Variants in PRDM16 observed in about 807,000 individuals in gnomAD.
The protein encoded by PRDM16 is histone-lysine N-methyltransferase PRDM16.
PRDM16 carries 23 observed loss-of-function variants against 110.6 expected under a neutral mutation model. The observed-to-expected ratio is 0.21, with a 90% CI of 0.15 to 0.29. PRDM16 has a LOEUF of 0.29. PRDM16 is among the 10% of genes least tolerant of loss of function. PRDM16 has a pLI of 1.00. For synonymous variants in PRDM16, 799 were observed against 781.8 expected (o/e 1.02, Z -0.37); for missense variants, 1,615 against 1,794.3 (o/e 0.90, Z 1.81).
In PRDM16 at chr1:3,437,840, C is replaced by T. The variant is rs1638949738; in HGVS notation, c.*4029C>T. The T allele has an allele frequency of 9.2e-6, 2 of 217,264 alleles. No individual in the cohort carries two copies. Among genetic ancestry groups the T allele is most frequent in the South Asian group, 1.9e-4 (1 of 5,390 alleles). 13.5% of individuals were successfully genotyped at this position (217,264 alleles called of 1,614,324 possible). On this transcript the variant is annotated 3_prime_UTR_variant, in exon 17 of 17. Transcript: ENST00000270722. Reference sequence around the variant, plus strand: ...CAAAAGTCATTCTAACAATTGCCTTCAGCGTCACGTGCATTGCCACTGCGC... The same window carrying T: ...CAAAAGTCATTCTAACAATTGCCTTTAGCGTCACGTGCATTGCCACTGCGC...
At position 3,353,174 on chromosome 1, in the gene PRDM16, C is replaced by T. The variant is rs1642528508; in HGVS notation, c.439-31978C>T. ...TCCCTCACAGCAGGATTTGCTGCTT[C>T]CTCCTGACCAATGCCCTCCTGTAGT... is the stretch of plus-strand genomic sequence containing the variant. On this transcript the variant is annotated intron_variant, in intron 3 of 16. Transcript: ENST00000270722. This position sits in a 1 kb window ranked among gnomAD's most constrained non-coding sequence, Gnocchi z 5.4. 6.6e-6 allele frequency among the ~76,000 whole-genome samples: 1 copy of T among 152,246 alleles called. No homozygotes were observed. The highest frequency in any genetic ancestry group is 2.1e-4 in the South Asian group (1 of 4,834).
At chr1:3,146,544 T>G (rs1051068289) in intron 1 of PRDM16, among the ~76,000 whole-genome samples, 1 of 141,726 alleles carries the variant, frequency 7.1e-6, no homozygotes, top group African/African-American at 2.7e-5. Flanking sequence ...TGCACGTGTG[T>G]TCGGTGTGGG....
chr1:3,134,834 C>G (rs572097057), intron 1 of PRDM16, among the ~76,000 whole-genome samples: 1 of 152,368 alleles, frequency 6.6e-6, no homozygotes, highest in East Asian at 1.9e-4. Flanking sequence ...TTTTGTTTGG[C>G]AGAGGGGCCT....
chr1:3,098,592 C>G lies in PRDM16; in HGVS notation c.37+29296C>G, dbSNP rs536431877. Among the ~76,000 whole-genome samples the G allele has an allele frequency of 3.3e-5, 5 of 152,310 alleles. No homozygotes were observed. In the South Asian group the frequency reaches 1.0e-3, roughly 32 times the overall value. ...TGGGCTTCGAGACCCCAGGCAAAGC[C>G]ACAGAAAGGAAGTGCCCCAGGGAGC... On this transcript the variant is annotated intron_variant, in intron 1 of 16. Transcript: ENST00000270722.
chr1:3,114,605 C>G (rs1464311274), intron 1 of PRDM16, among the ~76,000 whole-genome samples: 1 of 151,600 alleles, frequency 6.6e-6, no homozygotes, highest in East Asian at 1.9e-4. Flanking sequence ...TGCACATGCA[C>G]ACACGTGCAT....
chr1:3,258,196 C>T (rs1464875464), intron 3 of PRDM16, among the ~76,000 whole-genome samples: 1 of 152,192 alleles, frequency 6.6e-6, no homozygotes, highest in African/African-American at 2.4e-5. Context: ...CCGTGTCCTC[C>T]TGCGGTGGGC....
chr1:3,085,686 G>A (rs552485077), intron 1 of PRDM16, among the ~76,000 whole-genome samples: 2 of 152,370 alleles, frequency 1.3e-5, no homozygotes, highest in African/African-American at 4.8e-5. Flanking sequence ...CTGCCCATGT[G>A]TGTGTCCTCC....
chr1:3,324,659 G>A (rs1641845566), intron 3 of PRDM16, among the ~76,000 whole-genome samples: 1 of 151,816 alleles, frequency 6.6e-6, no homozygotes, highest in Admixed American at 6.6e-5. Context: ...GCCCTGGCAT[G>A]ATCCTGCGGG....
intron 1 of PRDM16, among the ~76,000 whole-genome samples, chr1:3,075,850 C>T (rs1211628423): frequency 1.3e-5 from 2 of 152,196 alleles, no homozygotes; most frequent in Admixed American, 1.3e-4. Flanking sequence ...GCAGTGGGTG[C>T]GGCGACAGGC....
At chr1:3,333,361 C>G (rs117342674) in intron 3 of PRDM16, among the ~76,000 whole-genome samples, 1 of 152,084 alleles carries the variant, frequency 6.6e-6, no homozygotes, top group Non-Finnish European at 1.5e-5. Flanking sequence ...CTTCCCACAA[C>G]GGGGAGGCTG....
intron 3 of PRDM16, among the ~76,000 whole-genome samples, chr1:3,377,657 C>T (rs1050324712): frequency 3.3e-5 from 5 of 152,202 alleles, no homozygotes; most frequent in Non-Finnish European, 5.9e-5. Context: ...CAAAGCCAGG[C>T]GTTTAAGCAG....
chr1:3,327,974 C>T (rs532243597), intron 3 of PRDM16, among the ~76,000 whole-genome samples: 3 of 152,354 alleles, frequency 2.0e-5, no homozygotes, highest in African/African-American at 7.2e-5. Flanking sequence ...TTGGAAAATG[C>T]TGGGTTTTCT....
chr1:3,088,551 C>T (rs949509008), intron 1 of PRDM16, among the ~76,000 whole-genome samples: 7 of 150,896 alleles, frequency 4.6e-5, no homozygotes, highest in South Asian at 2.1e-4. Flanking sequence ...CTGCAAGCTC[C>T]GCCTCCTGGG....
intron 1 of PRDM16, among the ~76,000 whole-genome samples, chr1:3,169,936 C>T (rs1644006750): frequency 6.6e-6 from 1 of 152,248 alleles, no homozygotes; most frequent in African/African-American, 2.4e-5. Flanking sequence ...CCCGCGCGCT[C>T]CGAGTAATCG....
chr1:3,413,791 G>A (rs1464703838), intron 9 of PRDM16, among the ~76,000 whole-genome samples: 1 of 152,216 alleles, frequency 6.6e-6, no homozygotes, highest in African/African-American at 2.4e-5. Flanking sequence ...GAGCCACCAG[G>A]CCAAAGGAGG....
chr1:3,278,301 C>T (rs1409841358), intron 3 of PRDM16, among the ~76,000 whole-genome samples: 2 of 152,168 alleles, frequency 1.3e-5, no homozygotes, highest in African/African-American at 2.4e-5. Flanking sequence ...GATAAAGGGG[C>T]GTCTTTCCTA....
At chr1:3,336,823 T>C (rs1364666920) in intron 3 of PRDM16, among the ~76,000 whole-genome samples, 1 of 151,336 alleles carries the variant, frequency 6.6e-6, no homozygotes, top group Non-Finnish European at 1.5e-5. Context: ...TGAGTCTGTG[T>C]GTGCATGAAC....
chr1:3,185,035 C>T lies in PRDM16; in HGVS notation c.38-1090C>T, dbSNP rs185611439. 3.3e-5 allele frequency among the ~76,000 whole-genome samples: 5 copies of T among 152,304 alleles called. No homozygotes were observed. The East Asian group carries it at 7.7e-4, about 24-fold the overall frequency. ...ATCCGTTCCCTCATTCCCTCGCAGACGGACATTTGGGCTGTTTCTGCCTTC... is the reference window on the plus strand; with the variant it reads ...ATCCGTTCCCTCATTCCCTCGCAGATGGACATTTGGGCTGTTTCTGCCTTC... On this transcript the variant is annotated intron_variant, in intron 1 of 16. Coordinates refer to ENST00000270722, the MANE Select transcript of PRDM16 (RefSeq NM_022114.4).
In PRDM16 at chr1:3,081,732, G is replaced by T. The variant is rs1457976636; in HGVS notation, c.37+12436G>T. 6.6e-6 allele frequency among the ~76,000 whole-genome samples: 1 copy of T among 152,132 alleles called. No individual in the cohort carries two copies. Among genetic ancestry groups the T allele is most frequent in the Admixed American group, 6.5e-5 (1 of 15,280 alleles). On this transcript the variant is annotated intron_variant, in intron 1 of 16. Transcript: ENST00000270722. This position sits in a 1 kb window ranked among gnomAD's most constrained non-coding sequence, Gnocchi z 4.6. ...TGTCGGTCACTAGAGAGTGGGTAGA[G>T]CCTGGCCACAGGGCACGTGGGAGGC...
Sources: allele counts gnomAD v4.1 joint callset (sites outside exome capture counted in the v4.1 genomes callset), GRCh38; gene constraint gnomAD v4.1.1; non-coding constraint Gnocchi (gnomAD v3.1); transcripts MANE v1.5; gene names NCBI Gene and HGNC (gene_info 2026-07-23, HGNC 2026-07-21).